Variants in YAP1 observed in about 807,000 individuals in gnomAD.
YAP1 encodes transcriptional coactivator YAP1.
A neutral mutation model predicts 56.9 loss-of-function variants in YAP1; 5 were observed. That is an observed-to-expected ratio of 0.09 (90% CI 0.05 to 0.18). YAP1 has a LOEUF of 0.18. Among genes scored for constraint, YAP1 ranks in the 10% least tolerant of loss-of-function variants. YAP1 has a pLI of 1.00. For missense variants in YAP1, 539 were observed against 651.8 expected, an observed-to-expected ratio of 0.83 and a Z score of 1.88; for synonymous variants, 265 against 248.1, an observed-to-expected ratio of 1.07 and a Z score of -0.64.
At chr11:102,201,302 G>A (rs530213778) in intron 4 of YAP1, among the ~76,000 whole-genome samples, 3 of 152,240 alleles carry the variant, frequency 2.0e-5, no homozygotes, top group African/African-American at 7.2e-5. Context: ...TGCATAGTAT[G>A]CTACCATATA....
At chr11:102,140,040 G>T (rs1415474297) in intron 2 of YAP1, among the ~76,000 whole-genome samples, 1 of 152,044 alleles carries the variant, frequency 6.6e-6, no homozygotes, top group African/African-American at 2.4e-5. Flanking sequence ...ATTAACAGGG[G>T]TTTATCCTAA....
chr11:102,158,580 T>A (rs1269184568), intron 2 of YAP1, among the ~76,000 whole-genome samples: 1 of 152,216 alleles, frequency 6.6e-6, no homozygotes, highest in Non-Finnish European at 1.5e-5. Flanking sequence ...CACTCTTGAA[T>A]AGCAGGGGTA....
chr11:102,183,285 GA>G (rs1355664081), intron 3 of YAP1, among the ~76,000 whole-genome samples: 1 of 152,192 alleles, frequency 6.6e-6, no homozygotes, highest in Non-Finnish European at 1.5e-5. Flanking sequence ...TGATTTTATG[GA>G]AAGTTGGTGG....
chr11:102,137,235 A>C (rs1360859628), intron 2 of YAP1, among the ~76,000 whole-genome samples: 1 of 152,174 alleles, frequency 6.6e-6, no homozygotes, highest in East Asian at 1.9e-4. Context: ...TCTAAACTTT[A>C]GTTTTCTTAT....
At chr11:102,169,762 T>G (rs1266816625) in intron 3 of YAP1, among the ~76,000 whole-genome samples, 1 of 152,202 alleles carries the variant, frequency 6.6e-6, no homozygotes, top group East Asian at 1.9e-4. Context: ...GGAATCAATA[T>G]AGCCAATCCT....
At chr11:102,131,345 G>C (rs1944359282) in intron 2 of YAP1, among the ~76,000 whole-genome samples, 1 of 152,146 alleles carries the variant, frequency 6.6e-6, no homozygotes, top group Non-Finnish European at 1.5e-5. Flanking sequence ...AGCAGGCGTT[G>C]TTCTGGATCC....
chr11:102,179,518 C>T (rs933964798), intron 3 of YAP1, among the ~76,000 whole-genome samples: 1 of 152,168 alleles, frequency 6.6e-6, no homozygotes, highest in Non-Finnish European at 1.5e-5. Flanking sequence ...GCCCCATCCA[C>T]AGGTAGCAGC....
intron 4 of YAP1, among the ~76,000 whole-genome samples, chr11:102,188,826 A>T (rs867710675): frequency 6.6e-6 from 1 of 152,232 alleles, no homozygotes; most frequent in African/African-American, 2.4e-5. Context: ...CTATATTTAT[A>T]GTATCAATCC....
chr11:102,141,726 T>G (rs1945035755), intron 2 of YAP1, among the ~76,000 whole-genome samples: 1 of 152,218 alleles, frequency 6.6e-6, no homozygotes, highest in Admixed American at 6.5e-5. Context: ...TTAAAAAAAT[T>G]TCCTCTCATT....
chr11:102,209,645 G>A, intron 6 of YAP1, 81 bp downstream of exon 6: 1 of 1,316,520 alleles, frequency 7.6e-7, no homozygotes, highest in Non-Finnish European at 1.0e-6. Flanking sequence ...TACATTCCAG[G>A]GTCCTGTCCT....
chr11:102,111,249 G>C, intron 1 of YAP1, 80 bp downstream of exon 1: 1 of 1,552,772 alleles, frequency 6.4e-7, no homozygotes, highest in Non-Finnish European at 8.7e-7. Flanking sequence ...GCGGCCGCCA[G>C]CTCTGGTCAG....
intron 2 of YAP1, among the ~76,000 whole-genome samples, chr11:102,155,029 G>T (rs1945860616): frequency 6.6e-6 from 1 of 152,100 alleles, no homozygotes; most frequent in Non-Finnish European, 1.5e-5. Flanking sequence ...CCTGTTTAAT[G>T]GTGGCCTGTT....
At chr11:102,186,862 A>ATTT (rs1947992328) in intron 4 of YAP1, among the ~76,000 whole-genome samples, 1 of 68,640 alleles carries the variant, frequency 1.5e-5, no homozygotes, top group East Asian at 4.4e-4. Context: ...AACTGTTTTC[A>ATTT]GTTTTTCATT....
chr11:102,201,608 C>T (rs896530007), intron 4 of YAP1, among the ~76,000 whole-genome samples: 3 of 152,072 alleles, frequency 2.0e-5, no homozygotes, highest in Non-Finnish European at 4.4e-5. Flanking sequence ...AAACTTGAAT[C>T]ATTTTAGTGA....
rs369473324 is a variant in YAP1 at position 102,183,880 on chromosome 11, T to C, written c.689-2138T>C. On this transcript the variant is annotated intron_variant, in intron 3 of 8. Coordinates refer to ENST00000282441, the MANE Select transcript of YAP1 (RefSeq NM_001130145.3). ...TCACGAGGTCAGGAGATCGAGACCA[T>C]CCCGGCTAAAATGGTGAAACCCCGT... Among the ~76,000 whole-genome samples the C allele has an allele frequency of 1.3e-4, 20 of 151,588 alleles. No homozygotes were observed. In the East Asian group the frequency reaches 2.5e-3, roughly 19 times the overall value.
intron 4 of YAP1, among the ~76,000 whole-genome samples, chr11:102,204,775 A>G (rs922603595): frequency 2.0e-5 from 3 of 152,130 alleles, no homozygotes; most frequent in African/African-American, 7.2e-5. Flanking sequence ...CTTTCTTTTA[A>G]TATCCTTGTA....
intron 7 of YAP1, chr11:102,226,895 ATT>A (rs2135716822): frequency 6.6e-6 from 1 of 152,430 alleles, no homozygotes; most frequent in East Asian, 1.9e-4. Flanking sequence ...TGACTCACCT[ATT>A]TTGGCTCAGT....
At chr11:102,180,681 CAA>C (rs58820066) in intron 3 of YAP1, among the ~76,000 whole-genome samples, 11 of 42,602 alleles carry the variant, frequency 2.6e-4, no homozygotes, top group Non-Finnish European at 3.9e-4. Flanking sequence ...GACTCCATCT[CAA>C]AAAAAAAAAA....
At chr11:102,172,475 C>CT (rs368895891) in intron 3 of YAP1, among the ~76,000 whole-genome samples, 46,074 of 106,120 alleles carry the variant, frequency 0.43, 12,169 homozygotes, top group East Asian at 0.66. Flanking sequence ...CCATGCACAG[C>CT]GTTTTTTTTT....
Sources: gnomAD v4.1 joint callset for allele counts (sites outside exome capture counted in the v4.1 genomes callset) on GRCh38, gnomAD v4.1.1 for gene constraint, MANE v1.5 for transcripts, NCBI Gene and HGNC (gene_info 2026-07-23, HGNC 2026-07-21) for gene names.